GALNTL6: variants seen among roughly 807,000 people sequenced by gnomAD.
The protein encoded by GALNTL6 is polypeptide N-acetylgalactosaminyltransferase-like 6.
GALNTL6 carries 46 observed loss-of-function variants against 73.7 expected under a neutral mutation model. The observed-to-expected ratio is 0.62, with a 90% CI of 0.49 to 0.80. GALNTL6 has a LOEUF of 0.80. GALNTL6 is among the 30% of genes least tolerant of loss of function. The pLI is 0.00. For synonymous variants in GALNTL6, 259 were observed against 263.7 expected, an observed-to-expected ratio of 0.98 and a Z score of 0.17; for missense variants, 604 against 755.0, an observed-to-expected ratio of 0.80 and a Z score of 2.34.
chr4:172,334,267 C>G (rs1275172226), intron 4 of GALNTL6, among the ~76,000 whole-genome samples: 1 of 152,060 alleles, frequency 6.6e-6, no homozygotes, highest in African/African-American at 2.4e-5. Flanking sequence ...TTTAGGACTG[C>G]TTTTTCTAAT....
chr4:171,884,197 G>C lies in GALNTL6; in HGVS notation c.138+69479G>C, dbSNP rs151330152. 4.5e-3 allele frequency among the ~76,000 whole-genome samples: 685 copies of C among 152,102 alleles called. 4 individuals carry two copies. The highest frequency in any genetic ancestry group is 0.016 in the African/African-American group (656 of 41,470). On this transcript the variant is annotated intron_variant, in intron 2 of 12. Coordinates refer to ENST00000506823, the MANE Select transcript of GALNTL6 (RefSeq NM_001034845.3). ...TGACCTCCTGAATTACCAAATCTTT[G>C]CCTTTTTTCTTTCATGTCATTTAGC...
intron 9 of GALNTL6, 56 bp downstream of exon 9, chr4:172,931,324 G>A (rs1748327203): frequency 1.0e-6 from 1 of 1,000,482 alleles, no homozygotes; most frequent in Admixed American, 1.7e-5. Flanking sequence ...TGTAACCAGA[G>A]TAACCAACCT....
chr4:172,691,845 A>C (rs1005981066), intron 5 of GALNTL6, among the ~76,000 whole-genome samples: 1 of 152,256 alleles, frequency 6.6e-6, no homozygotes, highest in African/African-American at 2.4e-5. Context: ...GAAGCTGAGC[A>C]AGACAATCTA....
At chr4:172,654,280 T>C (rs184900272) in intron 5 of GALNTL6, among the ~76,000 whole-genome samples, 112 of 152,290 alleles carry the variant, frequency 7.4e-4, no homozygotes, top group African/African-American at 2.5e-3. Flanking sequence ...GCACTGTAAG[T>C]ACAATTATGA....
intron 9 of GALNTL6, among the ~76,000 whole-genome samples, chr4:172,948,344 T>A (rs774332252): frequency 6.6e-6 from 1 of 152,226 alleles, no homozygotes; most frequent in Non-Finnish European, 1.5e-5. Context: ...AAGGAATCGA[T>A]GATTTCACAT....
chr4:171,971,474 C>T (rs1271178421), intron 2 of GALNTL6, among the ~76,000 whole-genome samples: 1 of 152,034 alleles, frequency 6.6e-6, no homozygotes, highest in African/African-American at 2.4e-5. Context: ...GGAGAAGATT[C>T]CTTATGCATT....
intron 4 of GALNTL6, among the ~76,000 whole-genome samples, chr4:172,335,067 G>A (rs1415233250): frequency 2.0e-5 from 3 of 150,200 alleles, no homozygotes; most frequent in Non-Finnish European, 4.4e-5. Flanking sequence ...TGCAAGCTCC[G>A]CCTCCCAGGT....
intron 10 of GALNTL6, among the ~76,000 whole-genome samples, chr4:172,968,374 C>A (rs905796751): frequency 3.3e-5 from 5 of 152,128 alleles, no homozygotes; most frequent in African/African-American, 7.2e-5. Context: ...TCACAGGCTC[C>A]AAGCTGAGGC....
rs73869631 is a variant in GALNTL6, at chr4:172,757,116, C to G, written c.554-52245C>G. The stretch of plus-strand genomic sequence containing the variant: ...TATGAATAATAATAAATTGATAGTG[C>G]TTCCATTGATTAAGCATCTGGTGTA... On this transcript the variant is annotated intron_variant, in intron 5 of 12. Transcript: ENST00000506823. 6.2e-3 allele frequency among the ~76,000 whole-genome samples: 943 copies of G among 152,214 alleles called. 11 individuals carry two copies. The highest frequency in any genetic ancestry group is 0.018 in the African/African-American group (737 of 41,512).
At chr4:172,429,842 A>G (rs1731373610) in intron 5 of GALNTL6, among the ~76,000 whole-genome samples, 1 of 152,142 alleles carries the variant, frequency 6.6e-6, no homozygotes, top group African/African-American at 2.4e-5. Context: ...TGATAAAACT[A>G]CATTTTTAAA....
intron 2 of GALNTL6, among the ~76,000 whole-genome samples, chr4:172,145,315 T>C (rs970737793): frequency 6.6e-6 from 1 of 152,110 alleles, no homozygotes; most frequent in Non-Finnish European, 1.5e-5. Flanking sequence ...AATTTTTTTG[T>C]ATTTTTAGTA....
At chr4:172,624,798 C>CT (rs58365764) in intron 5 of GALNTL6, among the ~76,000 whole-genome samples, 2 of 150,346 alleles carry the variant, frequency 1.3e-5, no homozygotes, top group Admixed American at 1.3e-4. Flanking sequence ...CTTACCAGGT[C>CT]TTTTTTTTCT....
intron 2 of GALNTL6, among the ~76,000 whole-genome samples, chr4:172,152,288 A>G (rs1182517675): frequency 6.6e-6 from 1 of 152,130 alleles, no homozygotes; most frequent in African/African-American, 2.4e-5. Context: ...ACCATTTCCT[A>G]TATTTTTTAA....
chr4:172,557,288 A>G (rs1736184013), intron 5 of GALNTL6, among the ~76,000 whole-genome samples: 1 of 152,132 alleles, frequency 6.6e-6, no homozygotes, highest in Non-Finnish European at 1.5e-5. Flanking sequence ...TCATACATTA[A>G]AACATTAAGC....
At chr4:171,928,565 C>T (rs2110992105) in intron 2 of GALNTL6, among the ~76,000 whole-genome samples, 1 of 152,324 alleles carries the variant, frequency 6.6e-6, no homozygotes, top group African/African-American at 2.4e-5. Context: ...TTCCCATATC[C>T]TGTTAACTTT....
chr4:171,822,389 G>A (rs1734708901), intron 2 of GALNTL6, among the ~76,000 whole-genome samples: 1 of 152,158 alleles, frequency 6.6e-6, no homozygotes, highest in Admixed American at 6.5e-5. Flanking sequence ...CCTTACAGAA[G>A]TATGTAACTG....
chr4:172,895,736 T>A (rs1286663171), intron 8 of GALNTL6, among the ~76,000 whole-genome samples: 1 of 152,194 alleles, frequency 6.6e-6, no homozygotes, highest in East Asian at 1.9e-4. Context: ...AGTTCCCTCT[T>A]TAACTCCAAT....
At chr4:172,671,858 G>GT (rs934848307) in intron 5 of GALNTL6, among the ~76,000 whole-genome samples, 6 of 151,842 alleles carry the variant, frequency 4.0e-5, no homozygotes, top group East Asian at 1.9e-4. Context: ...TGTTTGTTTG[G>GT]TTTTTTGTTT....
chr4:172,734,762 C>A (rs554999093), intron 5 of GALNTL6, among the ~76,000 whole-genome samples: 2 of 152,156 alleles, frequency 1.3e-5, no homozygotes, highest in South Asian at 2.1e-4. Flanking sequence ...GTTTCCTGGG[C>A]CAGGTCCAGG....
Sources: allele counts gnomAD v4.1 joint callset (sites outside exome capture counted in the v4.1 genomes callset), GRCh38; gene constraint gnomAD v4.1.1; transcripts MANE v1.5; gene names NCBI Gene and HGNC (gene_info 2026-07-23, HGNC 2026-07-21).